The following PDS5A variants were observed in gnomAD, a reference collection of about 807,000 sequenced individuals.
PDS5A encodes sister chromatid cohesion protein PDS5 homolog A.
A neutral mutation model predicts 167.1 loss-of-function variants in PDS5A; 42 were observed. The observed-to-expected ratio is 0.25, with a 90% CI of 0.20 to 0.33. The LOEUF is 0.33. Ranked by LOEUF, PDS5A falls within the 10% of genes least tolerant of loss-of-function variation. The pLI, the probability that PDS5A is intolerant of heterozygous loss-of-function variation, is 1.00. For synonymous variants in PDS5A, 553 were observed against 554.6 expected, an observed-to-expected ratio of 1.00 and a Z score of 0.04; for missense variants, 1,033 against 1,605.9, an observed-to-expected ratio of 0.64 and a Z score of 6.10.
At chr4:39,844,917 C>T in intron 29 of PDS5A, 116 bp from the exon 30 acceptor site, 1 of 1,110,254 alleles carries the variant, frequency 9.0e-7, no homozygotes, top group Non-Finnish European at 1.2e-6. Context: ...GTTAAATTTA[C>T]CAGAAATGTT....
intron 2 of PDS5A, among the ~76,000 whole-genome samples, chr4:39,930,260 TTG>T (rs1578765966): frequency 2.2e-5 from 3 of 135,582 alleles, no homozygotes; most frequent in South Asian, 2.4e-4. Context: ...TTTTTGTTTT[TTG>T]TTTTTTTTTT....
Position 39,824,068 on chromosome 4 carries a change from G to A in PDS5A, c.*1417C>T, listed in dbSNP as rs1259036380. The A allele has an allele frequency of 2.0e-5, 3 of 152,228 alleles. No individual in the cohort carries two copies. Among genetic ancestry groups the A allele is most frequent in the African/African-American group, 7.2e-5 (3 of 41,454 alleles). 9.4% of individuals were successfully genotyped at this position (152,228 alleles called of 1,614,324 possible). ...GAGCACATTCTGCTAGGGCTTTGCG[G>A]ATGACCCTACAGTGGACAGTGGGGG... On this transcript the variant is annotated 3_prime_UTR_variant, in exon 33 of 33. Coordinates refer to ENST00000303538, the MANE Select transcript of PDS5A (RefSeq NM_001100399.2).
chr4:39,879,974 T>C, intron 17 of PDS5A, 141 bp from the exon 18 acceptor site: 2 of 514,366 alleles, frequency 3.9e-6, no homozygotes, highest in Admixed American at 6.3e-5. Flanking sequence ...AACCTTGTCC[T>C]CTACTTGATA....
At chr4:39,896,107 A>G (rs367649257) in intron 16 of PDS5A, among the ~76,000 whole-genome samples, 1 of 150,636 alleles carries the variant, frequency 6.6e-6, no homozygotes, top group East Asian at 2.0e-4. Context: ...CAGTGGTGTG[A>G]CCATAGCTCA....
intron 8 of PDS5A, among the ~76,000 whole-genome samples, chr4:39,915,276 C>T (rs1724259683): frequency 6.6e-6 from 1 of 150,700 alleles, no homozygotes. Context: ...TGGCCTCAGG[C>T]AAGCCTCCTA....
intron 18 of PDS5A, among the ~76,000 whole-genome samples, chr4:39,879,106 T>C (rs980381473): frequency 1.3e-5 from 2 of 152,164 alleles, no homozygotes; most frequent in Non-Finnish European, 2.9e-5. Flanking sequence ...CTAACATCCA[T>C]TGCACTGGTT....
In PDS5A at chr4:39,974,246, C is replaced by T; in HGVS notation, c.138+2194G>A. 3 of 557,426 alleles carry T rather than the reference C, an allele frequency of 5.4e-6. No individual in the cohort carries two copies. The Admixed American group carries it at 5.7e-5, about 11-fold the overall frequency. 34.5% of individuals were successfully genotyped at this position (557,426 alleles called of 1,614,324 possible). A position where few individuals can be genotyped will look rare whatever the true frequency, so the allele number is the denominator to read the frequency against. ...ATTCCAATATGCCAGGTGCTATCCC[C>T]AAGCTGCTCCTATACCACCACTTAA... On this transcript the variant is annotated intron_variant, in intron 2 of 32. Coordinates refer to ENST00000303538, the MANE Select transcript of PDS5A (RefSeq NM_001100399.2).
In PDS5A at chr4:39,843,940, A is replaced by G. The variant is rs1717306232; in HGVS notation, c.3548+716T>C. On this transcript the variant is annotated intron_variant, in intron 30 of 32. Transcript: ENST00000303538. ...GGGGTGGATCACTTGAGCCCAGGAG[A>G]TCGAGCCCGACCTGGGGAAGATGAC... Among the ~76,000 whole-genome samples the G allele has an allele frequency of 3.3e-5, 5 of 151,036 alleles. No individual in the cohort carries two copies. The South Asian group carries it at 1.1e-3, about 32-fold the overall frequency.
chr4:39,975,034 G>T (rs1423631900), intron 2 of PDS5A, among the ~76,000 whole-genome samples: 1 of 151,558 alleles, frequency 6.6e-6, no homozygotes, highest in African/African-American at 2.4e-5. Context: ...CTTGAACCCG[G>T]GAGGTGGAGG....
intron 2 of PDS5A, among the ~76,000 whole-genome samples, chr4:39,949,504 C>A (rs531651053): frequency 1.3e-5 from 2 of 151,860 alleles, no homozygotes; most frequent in Non-Finnish European, 2.9e-5. Flanking sequence ...CTAATGGACA[C>A]AGGGACTTCA....
chr4:39,914,877 GAAGT>G (rs1724215237), intron 8 of PDS5A, among the ~76,000 whole-genome samples: 1 of 152,076 alleles, frequency 6.6e-6, no homozygotes, highest in Admixed American at 6.6e-5. Context: ...TTGGAAAAGA[GAAGT>G]AAAAATAGAA....
At chr4:39,865,755 C>G (rs898377993) in intron 23 of PDS5A, among the ~76,000 whole-genome samples, 1 of 152,220 alleles carries the variant, frequency 6.6e-6, no homozygotes, top group African/African-American at 2.4e-5. Context: ...CCTGACTTGG[C>G]CTACCAAAGT....
At chr4:39,863,935 C>A (rs577832904) in intron 23 of PDS5A, among the ~76,000 whole-genome samples, 1 of 152,104 alleles carries the variant, frequency 6.6e-6, no homozygotes, top group African/African-American at 2.4e-5. Flanking sequence ...TTGAGACCAT[C>A]CTGGCCAACA....
At chr4:39,830,613 T>C (rs1162314457) in intron 32 of PDS5A, among the ~76,000 whole-genome samples, 2 of 152,016 alleles carry the variant, frequency 1.3e-5, no homozygotes, top group Admixed American at 6.6e-5. Flanking sequence ...TTAGTAGAGA[T>C]AGGGTTTCAC....
chr4:39,839,715 G>GT (rs1191381067), intron 31 of PDS5A, among the ~76,000 whole-genome samples: 2 of 133,744 alleles, frequency 1.5e-5, no homozygotes, highest in Non-Finnish European at 3.1e-5. Context: ...TAAGTATATG[G>GT]TGAGCAATAA....
At chr4:39,862,844 A>C in intron 25 of PDS5A, 25 bp downstream of exon 25, 1 of 1,421,526 alleles carries the variant, frequency 7.0e-7, no homozygotes, top group Non-Finnish European at 9.8e-7. Context: ...ATATATTTGC[A>C]CACGGAGAAC....
intron 10 of PDS5A, 179 bp downstream of exon 10, chr4:39,910,061 TAAAG>T (rs949205947): frequency 8.7e-6 from 4 of 457,180 alleles, no homozygotes; most frequent in Non-Finnish European, 7.7e-6. Context: ...AACAAACAAA[TAAAG>T]AGATTTTAAA....
At chr4:39,908,790 G>GAGGCAGGC (rs71645198) in intron 10 of PDS5A, 1 of 390,548 alleles carries the variant, frequency 2.6e-6, no homozygotes, top group South Asian at 3.5e-5. Context: ...TTGGGAGGCT[G>GAGGCAGGC]AGGCAGGCAG....
chr4:39,877,687 T>C (rs1309673631), intron 18 of PDS5A, among the ~76,000 whole-genome samples: 2 of 151,998 alleles, frequency 1.3e-5, no homozygotes, highest in East Asian at 1.9e-4. Flanking sequence ...TAGAGTACAG[T>C]GGAATGTCAC....
Sources: allele counts gnomAD v4.1 joint callset (sites outside exome capture counted in the v4.1 genomes callset), GRCh38; gene constraint gnomAD v4.1.1; transcripts MANE v1.5; gene names NCBI Gene and HGNC (gene_info 2026-07-23, HGNC 2026-07-21).